The following KLHDC8A variants were observed in gnomAD, a reference collection of about 807,000 sequenced individuals.
KLHDC8A encodes the protein kelch domain-containing protein 8A.
KLHDC8A carries 21 observed loss-of-function variants against 33.1 expected under a neutral mutation model. That is an observed-to-expected ratio of 0.64 (90% CI 0.45 to 0.91). The LOEUF (loss-of-function observed/expected upper bound fraction) is 0.91. KLHDC8A is among the 40% of genes least tolerant of loss of function. KLHDC8A has a pLI of 0.00. For synonymous variants in KLHDC8A, 173 were observed against 193.5 expected (o/e 0.89, Z 0.88); for missense variants, 435 against 483.3 (o/e 0.90, Z 0.94).
rs1184808924 is a variant in KLHDC8A, at chr1:205,337,543, C to A, written c.909G>T (p.Lys303Asn). 1.9e-6 allele frequency: 3 copies of A among 1,614,020 alleles called. No homozygotes were observed. The highest frequency in any genetic ancestry group is 1.1e-5 in the South Asian group (1 of 91,064). Reference protein sequence around the residue: ...LETAEAFHPGKNKWEILPAMP... With the variant: ...LETAEAFHPGNNKWEILPAMP... ...TGGCAGGGAGGATCTCCCATTTGTT[C>A]TTCCCTGGGTGGAATGCTTCCGCCG... The change falls in exon 6 of 6, where the codon AAG becomes AAT. Residue 303 changes from lysine (K) to asparagine (N), a missense_variant. Coordinates refer to ENST00000367155, the MANE Select transcript of KLHDC8A (RefSeq NM_018203.3).
intron 1 of KLHDC8A, among the ~76,000 whole-genome samples, chr1:205,351,685 G>C (rs1438992940): frequency 1.3e-5 from 2 of 151,904 alleles, no homozygotes; most frequent in East Asian, 3.9e-4. Flanking sequence ...TTGGGAGGCT[G>C]AGGCGGGCGG....
At chr1:205,356,436 G>A (rs1194346776) in intron 1 of KLHDC8A, 97 bp downstream of exon 1, 8 of 434,292 alleles carry the variant, frequency 1.8e-5, no homozygotes, top group East Asian at 7.3e-5. Flanking sequence ...TACCTGGGCA[G>A]CCCTCCTCTC....
At position 205,343,399 on chromosome 1, in the gene KLHDC8A, C is replaced by CG; in HGVS notation, c.205dup (p.Arg69ProfsTer36). ...CAGGGCGGTGACGGCCACCCCCGCCCGGGCTGTGGGCAGCCGGGGCAAGGC... is the reference window on the plus strand; with the variant it reads ...CAGGGCGGTGACGGCCACCCCCGCCCGGGGCTGTGGGCAGCCGGGGCAAGGC... On this transcript the variant is annotated frameshift_variant, in exon 2 of 6. Coordinates refer to ENST00000367155, the MANE Select transcript of KLHDC8A (RefSeq NM_018203.3). LOFTEE classifies it high-confidence loss of function. 1 of 1,613,334 alleles carries CG rather than the reference C, an allele frequency of 6.2e-7. No individual in the cohort carries two copies. The highest frequency in any genetic ancestry group is 8.5e-7 in the Non-Finnish European group (1 of 1,179,804).
At chr1:205,340,630 G>A (rs1175028133) in intron 2 of KLHDC8A, among the ~76,000 whole-genome samples, 5 of 151,962 alleles carry the variant, frequency 3.3e-5, no homozygotes, top group Non-Finnish European at 7.4e-5. Flanking sequence ...GATTACAGAT[G>A]CCTGCCACCA....
At chr1:205,351,301 T>C in intron 1 of KLHDC8A, 1 of 896,090 alleles carries the variant, frequency 1.1e-6, no homozygotes, top group South Asian at 1.3e-5. Flanking sequence ...GAAGTTATCA[T>C]TGAAATTAAA....
chr1:205,345,584 A>C (rs1300462919), intron 1 of KLHDC8A, among the ~76,000 whole-genome samples: 2 of 151,554 alleles, frequency 1.3e-5, no homozygotes, highest in South Asian at 2.1e-4. Flanking sequence ...CTAAGAATGC[A>C]AAAAAAATTA....
At chr1:205,341,371 AT>A (rs1317982776) in intron 2 of KLHDC8A, among the ~76,000 whole-genome samples, 2 of 142,938 alleles carry the variant, frequency 1.4e-5, no homozygotes, top group African/African-American at 5.2e-5. Context: ...AAAAAAAAAA[AT>A]GCCAACCCTA....
chr1:205,352,911 G>A (rs1454219374), intron 1 of KLHDC8A, among the ~76,000 whole-genome samples: 1 of 152,212 alleles, frequency 6.6e-6, no homozygotes, highest in Non-Finnish European at 1.5e-5. Context: ...ACATCACTAG[G>A]CAAGAAACAG....
intron 4 of KLHDC8A, 78 bp from the exon 5 acceptor site, chr1:205,338,674 C>T (rs2102278220): frequency 8.5e-7 from 1 of 1,173,290 alleles, no homozygotes; most frequent in Middle Eastern, 1.9e-4. Flanking sequence ...GATTGTGGCC[C>T]AAATAGCTTT....
At chr1:205,349,266 C>T (rs1216333123) in intron 1 of KLHDC8A, among the ~76,000 whole-genome samples, 1 of 152,212 alleles carries the variant, frequency 6.6e-6, no homozygotes, top group African/African-American at 2.4e-5. Context: ...TTCAGGTTCC[C>T]TTCCTGACCA....
intron 1 of KLHDC8A, chr1:205,351,559 AT>A (rs1663105742): frequency 5.1e-6 from 3 of 588,136 alleles, no homozygotes. Flanking sequence ...GGTCATGTAC[AT>A]TTTCATATTA....
Position 205,339,847 on chromosome 1 carries a change from C to T in KLHDC8A, c.377-39G>A. 1 of 1,595,412 alleles carries T rather than the reference C, an allele frequency of 6.3e-7. No individual in the cohort carries two copies. Among genetic ancestry groups the T allele is most frequent in the Non-Finnish European group, 8.6e-7 (1 of 1,169,234 alleles). On this transcript the variant is annotated intron_variant, in intron 2 of 5. Transcript: ENST00000367155. The surrounding 1 kb of genome is among the most constrained non-coding windows in gnomAD (Gnocchi z 5.1). ...CCATACATGCCCCTGGCTTAGCTCACAGGTACAGCAAGACAGGCCCACCAG... is the reference window on the plus strand; with the variant it reads ...CCATACATGCCCCTGGCTTAGCTCATAGGTACAGCAAGACAGGCCCACCAG...
intron 1 of KLHDC8A, among the ~76,000 whole-genome samples, chr1:205,353,589 G>A (rs761876667): frequency 5.2e-4 from 79 of 152,150 alleles, no homozygotes; most frequent in Non-Finnish European, 8.8e-4. Context: ...AGGCTGGAGT[G>A]CAGTGGCACC....
chr1:205,337,178 C>G lies in KLHDC8A; in HGVS notation c.*221G>C. The G allele has an allele frequency of 1.7e-6, 1 of 572,096 alleles. No individual in the cohort carries two copies. The highest frequency in any genetic ancestry group is 2.0e-5 in the South Asian group (1 of 49,274). The allele number at this position is 572,096 out of a possible 1,614,324, so 35.4% of individuals were successfully genotyped here. On this transcript the variant is annotated 3_prime_UTR_variant, in exon 6 of 6. Coordinates refer to ENST00000367155, the MANE Select transcript of KLHDC8A (RefSeq NM_018203.3). ...AAGTGAAGACTCTCTTCAGAGTCAG[C>G]TCTGCAGCTGGTGGAGTCATCTGTG... is the stretch of plus-strand genomic sequence containing the variant.
At chr1:205,351,363 C>G in intron 1 of KLHDC8A, 1 of 899,396 alleles carries the variant, frequency 1.1e-6, no homozygotes, top group Non-Finnish European at 1.9e-6. Flanking sequence ...CCTTTATGAA[C>G]CTTGTGATAG....
intron 2 of KLHDC8A, among the ~76,000 whole-genome samples, chr1:205,341,109 T>C (rs1662777638): frequency 6.6e-6 from 1 of 152,034 alleles, no homozygotes; most frequent in Non-Finnish European, 1.5e-5. Context: ...TCTCCTCTCA[T>C]TCTCTACTAC....
At chr1:205,338,963 G>A (rs1662711067) in intron 4 of KLHDC8A, among the ~76,000 whole-genome samples, 1 of 152,252 alleles carries the variant, frequency 6.6e-6, no homozygotes, top group African/African-American at 2.4e-5. Context: ...AGACAATATA[G>A]GTAGAAAAGG....
intron 1 of KLHDC8A, among the ~76,000 whole-genome samples, chr1:205,353,103 T>A (rs1030076935): frequency 6.6e-6 from 1 of 152,188 alleles, no homozygotes; most frequent in African/African-American, 2.4e-5. Flanking sequence ...GATTCCTTGA[T>A]AAAAATCCTC....
intron 5 of KLHDC8A, 115 bp downstream of exon 5, chr1:205,338,380 G>A (rs949311200): frequency 1.3e-6 from 1 of 777,402 alleles, no homozygotes; most frequent in Non-Finnish European, 2.2e-6. Context: ...TTGGAGTATA[G>A]TGGTAGGCAG....
Sources: gnomAD v4.1 joint callset for allele counts (sites outside exome capture counted in the v4.1 genomes callset) on GRCh38, gnomAD v4.1.1 for gene constraint, Gnocchi (gnomAD v3.1) non-coding constraint, MANE v1.5 for transcripts, NCBI Gene and HGNC (gene_info 2026-07-23, HGNC 2026-07-21) for gene names.